The following C12orf42 variants were observed in gnomAD, a reference collection of about 807,000 sequenced individuals.
C12orf42 encodes the protein chromosome 12 open reading frame 42, also known as uncharacterized protein C12orf42.
Under a neutral mutation model 21.6 loss-of-function variants are expected in C12orf42, and 25 were observed. The observed-to-expected ratio is 1.16, with a 90% CI of 0.84 to 1.62. The LOEUF is 1.62. Ranked by LOEUF, C12orf42 falls within the 40% of genes most tolerant of loss-of-function variation. C12orf42 has a pLI of 0.00. For synonymous variants in C12orf42, 174 were observed against 175.0 expected, an observed-to-expected ratio of 0.99 and a Z score of 0.05; for missense variants, 483 against 459.3, an observed-to-expected ratio of 1.05 and a Z score of -0.47.
chr12:103,200,662 A>G, the C12orf42 span, among the ~76,000 whole-genome samples: 3 of 152,226 alleles, frequency 2.0e-5, no homozygotes, highest in Non-Finnish European at 4.4e-5. Context: ...TTAATGCAGT[A>G]AACATTCTCA....
At chr12:103,406,997 C>A (rs1311595300) in intron 2 of C12orf42, among the ~76,000 whole-genome samples, 1 of 152,188 alleles carries the variant, frequency 6.6e-6, no homozygotes, top group Non-Finnish European at 1.5e-5. Context: ...CCTTTATCCT[C>A]CACCAAAGAA....
At chr12:103,526,942 C>A in the C12orf42 span, among the ~76,000 whole-genome samples, 3 of 152,120 alleles carry the variant, frequency 2.0e-5, no homozygotes, top group African/African-American at 7.2e-5. Context: ...AGAACAGAAC[C>A]AAAACTTGTG....
the C12orf42 span, among the ~76,000 whole-genome samples, chr12:103,072,617 C>T: frequency 6.6e-6 from 1 of 152,096 alleles, no homozygotes; most frequent in Non-Finnish European, 1.5e-5. Context: ...ACCCCCGGTA[C>T]ATACCCAGTA....
intron 2 of C12orf42, among the ~76,000 whole-genome samples, chr12:103,469,607 T>G (rs1953427867): frequency 6.6e-6 from 1 of 152,254 alleles, no homozygotes; most frequent in South Asian, 2.1e-4. Flanking sequence ...TGCATAACTA[T>G]AAATAACATA....
the C12orf42 span, among the ~76,000 whole-genome samples, chr12:103,529,418 T>C: frequency 3.9e-5 from 6 of 152,234 alleles, no homozygotes; most frequent in Non-Finnish European, 8.8e-5. Context: ...TTAGAGCTTC[T>C]CACAGCTAAC....
At chr12:103,194,584 T>A in the C12orf42 span, among the ~76,000 whole-genome samples, 13 of 151,908 alleles carry the variant, frequency 8.6e-5, no homozygotes, top group African/African-American at 3.1e-4. Flanking sequence ...TCAAAAATAA[T>A]AGAATACTTA....
chr12:103,288,167 T>C (rs2036590353), intron 4 of C12orf42, among the ~76,000 whole-genome samples: 1 of 152,136 alleles, frequency 6.6e-6, no homozygotes, highest in Non-Finnish European at 1.5e-5. Context: ...CATTAATCAA[T>C]TGTTACTAGG....
the C12orf42 span, among the ~76,000 whole-genome samples, chr12:103,135,787 A>G: frequency 1.3e-5 from 2 of 152,242 alleles, no homozygotes; most frequent in Non-Finnish European, 2.9e-5. Context: ...CCTGATATCA[A>G]TAGCATGAGA....
the C12orf42 span, among the ~76,000 whole-genome samples, chr12:103,112,417 T>C: frequency 1.3e-5 from 2 of 152,176 alleles, no homozygotes; most frequent in Non-Finnish European, 2.9e-5. Flanking sequence ...TCCAGCACTT[T>C]GGGAAGCCGA....
chr12:103,168,048 A>G, the C12orf42 span: 1 of 455,900 alleles, frequency 2.2e-6, no homozygotes, highest in South Asian at 1.5e-5. Context: ...GTGAGGGAGA[A>G]TGGGAGAAAC....
At chr12:103,099,610 T>A in the C12orf42 span, among the ~76,000 whole-genome samples, 47 of 152,276 alleles carry the variant, frequency 3.1e-4, no homozygotes, top group African/African-American at 1.1e-3. Context: ...ACTGAAAGAA[T>A]GAAGAAAGTA....
intron 2 of C12orf42, among the ~76,000 whole-genome samples, chr12:103,438,838 T>C (rs1950959157): frequency 6.6e-6 from 1 of 150,818 alleles, no homozygotes; most frequent in Non-Finnish European, 1.5e-5. Flanking sequence ...CCACCCAAGG[T>C]AATTTACAGA....
At chr12:103,243,403 T>C (rs962684335) in intron 10 of C12orf42, among the ~76,000 whole-genome samples, 5 of 152,170 alleles carry the variant, frequency 3.3e-5, no homozygotes, top group Non-Finnish European at 5.9e-5. Context: ...GTTGACAACA[T>C]TCCCATGCTA....
At chr12:103,418,767 G>A (rs879587651) in intron 2 of C12orf42, among the ~76,000 whole-genome samples, 3 of 150,658 alleles carry the variant, frequency 2.0e-5, no homozygotes, top group African/African-American at 7.3e-5. Flanking sequence ...TCAACAGATA[G>A]GCAGAAAAAA....
At chr12:103,065,543 A>T in the C12orf42 span, among the ~76,000 whole-genome samples, 5 of 152,220 alleles carry the variant, frequency 3.3e-5, no homozygotes, top group South Asian at 6.2e-4. Flanking sequence ...ACAAGATATC[A>T]CACTGGTCCA....
intron 4 of C12orf42, among the ~76,000 whole-genome samples, chr12:103,336,499 A>C (rs1370843213): frequency 6.6e-6 from 1 of 152,186 alleles, no homozygotes; most frequent in Admixed American, 6.5e-5. Context: ...GAGAGGAAAA[A>C]ATAATTCCTA....
At chr12:103,319,424 G>A (rs2039862036) in intron 4 of C12orf42, among the ~76,000 whole-genome samples, 1 of 151,786 alleles carries the variant, frequency 6.6e-6, no homozygotes, top group Non-Finnish European at 1.5e-5. Context: ...TTTGTTGAAG[G>A]GATCACCAGA....
intron 2 of C12orf42, among the ~76,000 whole-genome samples, chr12:103,428,511 A>G (rs11111568): frequency 6.6e-6 from 1 of 152,010 alleles, no homozygotes; most frequent in Non-Finnish European, 1.5e-5. Flanking sequence ...CAGGACCAGA[A>G]GGATTCACAG....
intron 3 of C12orf42, among the ~76,000 whole-genome samples, chr12:103,397,489 G>A (rs979977062): frequency 3.3e-5 from 5 of 152,122 alleles, no homozygotes; most frequent in Non-Finnish European, 5.9e-5. Flanking sequence ...TGCATGCGAG[G>A]GATCAAGGTT....
Sources: gnomAD v4.1 joint callset for allele counts (sites outside exome capture counted in the v4.1 genomes callset) on GRCh38, gnomAD v4.1.1 for gene constraint, MANE v1.5 for transcripts, NCBI Gene and HGNC (gene_info 2026-07-23, HGNC 2026-07-21) for gene names.